The following SLC38A5 variants were observed in gnomAD, a reference collection of about 807,000 sequenced individuals.
SLC38A5 encodes the protein sodium-coupled neutral amino acid transporter 5.
In SLC38A5, 9 loss-of-function variants were observed where a neutral mutation model predicts 34.6. That is an observed-to-expected ratio of 0.26 (90% CI 0.16 to 0.45). The LOEUF is 0.45. Ranked by LOEUF, SLC38A5 falls within the 20% of genes least tolerant of loss-of-function variation. The pLI is 1.00. For missense variants in SLC38A5, 253 were observed against 394.7 expected, an observed-to-expected ratio of 0.64 and a Z score of 3.04; for synonymous variants, 157 against 155.6, an observed-to-expected ratio of 1.01 and a Z score of -0.07.
chrX:48,467,129 A>G, intron 4 of SLC38A5, 52 bp from the exon 5 acceptor site: 1 of 1,053,038 alleles, frequency 9.5e-7, no homozygotes, highest in African/African-American at 1.8e-5. Flanking sequence ...GCACAGGGTA[A>G]GGAGACTAAT....
intron 1 of SLC38A5, chrX:48,469,950 G>A (rs1302235565): frequency 8.9e-6 from 1 of 112,008 alleles, no homozygotes; most frequent in Non-Finnish European, 1.9e-5. Flanking sequence ...GTCATAGACA[G>A]GAGACACAGG....
chrX:48,459,716 G>A lies in SLC38A5; in HGVS notation c.1213+16C>T. ...CATATTAGATGGGGTATGGGACTGG[G>A]GTGAGGTTTACTGACCGATAACTCC... On this transcript the variant is annotated intron_variant, in intron 15 of 16. Transcript: ENST00000620913. The A allele has an allele frequency of 1.7e-6, 2 of 1,208,936 alleles. No individual in the cohort carries two copies. The highest frequency in any genetic ancestry group is 2.2e-6 in the Non-Finnish European group (2 of 894,125).
chrX:48,469,839 G>A (rs2061501707), intron 1 of SLC38A5: 1 of 112,391 alleles, frequency 8.9e-6, no homozygotes, highest in Admixed American at 9.5e-5. Context: ...GACAGGCAGA[G>A]ACAGGGAGAA....
rs151230562 is a variant in SLC38A5 at position 48,469,528 on chromosome X, A to G, written c.-103-92T>C. On this transcript the variant is annotated intron_variant, in intron 1 of 16. Transcript: ENST00000620913. Reference sequence around the variant, plus strand: ...GAAGGGGCGCCCCCTATCTGGACCCACTTGGAGGGAGACAGCGGTTTGTTT... The same window carrying G: ...GAAGGGGCGCCCCCTATCTGGACCCGCTTGGAGGGAGACAGCGGTTTGTTT... 6.3e-3 allele frequency: 699 copies of G among 110,456 alleles called. 4 individuals are homozygous for G. The highest frequency in any genetic ancestry group is 0.022 in the African/African-American group (657 of 30,141). The allele number at this position is 110,456 out of a possible 1,213,427, so 9.1% of individuals were successfully genotyped here.
rs1287478130 is a variant in SLC38A5, at chrX:48,461,927, C to T, written c.771+80G>A. On this transcript the variant is annotated intron_variant, in intron 11 of 16. Transcript: ENST00000620913. Reference sequence around the variant, plus strand: ...AGCTCCCAATGTCGAATATCCAGCTCCACTCTGAGCAGGATGCACCATATG... The same window carrying T: ...AGCTCCCAATGTCGAATATCCAGCTTCACTCTGAGCAGGATGCACCATATG... The T allele has an allele frequency of 5.3e-5, 60 of 1,130,796 alleles. 1 individual carries two copies. In the Middle Eastern group the frequency reaches 5.9e-3, roughly 111 times the overall value. 93.2% of individuals were successfully genotyped at this position (1,130,796 alleles called of 1,213,427 possible). A position where few individuals can be genotyped will look rare whatever the true frequency, so the allele number is the denominator to read the frequency against.
At chrX:48,463,147 C>T (rs1408713479) in intron 8 of SLC38A5, among the ~76,000 whole-genome samples, 167 bp from the exon 9 acceptor site, 12 of 112,586 alleles carry the variant, frequency 1.1e-4, no homozygotes, top group Non-Finnish European at 5.6e-5. Context: ...ACAAACGGCA[C>T]AATAGGGTTG....
intron 8 of SLC38A5, 77 bp downstream of exon 8, chrX:48,465,938 A>C: frequency 2.4e-6 from 2 of 847,079 alleles, no homozygotes; most frequent in Non-Finnish European, 3.3e-6. Context: ...CTGCACACAC[A>C]GCGCTGAAGA....
intron 13 of SLC38A5, 82 bp downstream of exon 13, chrX:48,460,904 C>T (rs2061429151): frequency 3.9e-6 from 4 of 1,022,487 alleles, no homozygotes; most frequent in African/African-American, 1.9e-5. Flanking sequence ...CTGACAGGTC[C>T]GTGGTCACAG....
rs1556962030 is a variant in SLC38A5 at position 48,462,052 on chromosome X, T to A, written c.726A>T (p.Gly242=). ...TCTGGGCCTCACAGCTGCTGTTGAG[T>A]CCTTGGCTGGGGAGTCCCACGAGAG... The part of the protein sequence containing the change: ...SEALVGLPSQ[G]LNSSCEAQMF... The change falls in exon 11 of 17, where the codon GGA becomes GGT. Residue 242 remains glycine, a synonymous_variant. Coordinates refer to ENST00000620913, the MANE Select transcript of SLC38A5 (RefSeq NM_033518.4). 1.7e-6 allele frequency: 2 copies of A among 1,160,504 alleles called. No individual in the cohort carries two copies. Among genetic ancestry groups the A allele is most frequent in the Non-Finnish European group, 2.3e-6 (2 of 868,450 alleles).
At chrX:48,467,201 C>G (rs1556963698) in intron 4 of SLC38A5, 124 bp from the exon 5 acceptor site, 3 of 543,045 alleles carry the variant, frequency 5.5e-6, no homozygotes, top group African/African-American at 2.3e-5. Flanking sequence ...AAGGAGAGAC[C>G]ATCGGAGGAG....
chrX:48,459,430 C>T, intron 16 of SLC38A5, 106 bp downstream of exon 16: 3 of 744,646 alleles, frequency 4.0e-6, no homozygotes, highest in Non-Finnish European at 5.6e-6. Flanking sequence ...CAGATGCTCT[C>T]CCAGCCCCCT....
chrX:48,459,176 C>G, intron 16 of SLC38A5, 142 bp from the exon 17 acceptor site: 1 of 618,558 alleles, frequency 1.6e-6, no homozygotes, highest in Non-Finnish European at 2.5e-6. Flanking sequence ...TCCTTCCTTA[C>G]AGCCAGCCCC....
rs2061439966 is a variant in SLC38A5, at chrX:48,462,302, C to A, written c.575-11G>T. ...TGTACCCCAGGTAGCCTAAGAGGGG[C>A]AAAACACAGAGTCTCAGAAATCAGC... is the stretch of plus-strand genomic sequence containing the variant. On this transcript the variant is annotated splice_polypyrimidine_tract_variant and intron_variant, in intron 9 of 16. Transcript: ENST00000620913. The A allele has an allele frequency of 8.3e-7, 1 of 1,203,291 alleles. No homozygotes were observed. The highest frequency in any genetic ancestry group is 1.8e-5 in the African/African-American group (1 of 56,860).
At position 48,459,115 on chromosome X, in the gene SLC38A5, C is replaced by T. The variant is rs181766900; in HGVS notation, c.1318-81G>A. The T allele has an allele frequency of 6.0e-6, 6 of 1,005,175 alleles. No homozygotes were observed. The African/African-American group carries it at 9.5e-5, about 16-fold the overall frequency. 82.8% of individuals were successfully genotyped at this position (1,005,175 alleles called of 1,213,427 possible). On this transcript the variant is annotated intron_variant, in intron 16 of 16. Transcript: ENST00000620913. ...CTGAGAATGTTCCTCAAGTCTTCCACCTCCTTCAGAGAGTGCTCCATCCAT... is the reference window on the plus strand; with the variant it reads ...CTGAGAATGTTCCTCAAGTCTTCCATCTCCTTCAGAGAGTGCTCCATCCAT...
chrX:48,463,858 A>G (rs1448003936), intron 8 of SLC38A5, among the ~76,000 whole-genome samples: 20 of 35,130 alleles, frequency 5.7e-4, no homozygotes, highest in Non-Finnish European at 4.4e-4. Context: ...AGAGAGAGAA[A>G]GAAAGAAAGA....
chrX:48,459,488 C>T, intron 16 of SLC38A5, 48 bp downstream of exon 16: 1 of 1,028,519 alleles, frequency 9.7e-7, no homozygotes, highest in Non-Finnish European at 1.3e-6. Flanking sequence ...TGAGCACTCC[C>T]TCCTTGGAGT....
chrX:48,467,175 G>A (rs967595936), intron 4 of SLC38A5, 98 bp from the exon 5 acceptor site: 43 of 706,585 alleles, frequency 6.1e-5, no homozygotes, highest in Non-Finnish European at 8.8e-5. Flanking sequence ...AGAAGCAAGC[G>A]GGGTGGAGAG....
chrX:48,463,639 T>C (rs1556962453), intron 8 of SLC38A5, among the ~76,000 whole-genome samples: 2 of 103,212 alleles, frequency 1.9e-5, no homozygotes, highest in Non-Finnish European at 3.9e-5. Context: ...TAGCCAGGTA[T>C]GGTGGCGCGT....
chrX:48,463,609 A>T (rs1487523291), intron 8 of SLC38A5, among the ~76,000 whole-genome samples: 18 of 105,535 alleles, frequency 1.7e-4, no homozygotes, highest in African/African-American at 5.6e-4. Context: ...CTGTCTCAAA[A>T]AAATAAATAA....
Sources: gnomAD v4.1 joint callset for allele counts (sites outside exome capture counted in the v4.1 genomes callset) on GRCh38, gnomAD v4.1.1 for gene constraint, MANE v1.5 for transcripts, NCBI Gene and HGNC (gene_info 2026-07-23, HGNC 2026-07-21) for gene names.